Variants in XPR1 observed in about 807,000 individuals in gnomAD.
The protein encoded by XPR1 is solute carrier family 53 member 1.
In XPR1, 28 loss-of-function variants were observed where a neutral mutation model predicts 87.5. The observed-to-expected ratio is 0.32, with a 90% CI of 0.24 to 0.44. The LOEUF is 0.44. XPR1 is among the 20% of genes least tolerant of loss of function. The pLI, the probability that XPR1 is intolerant of heterozygous loss-of-function variation, is 1.00. For synonymous variants in XPR1, 300 were observed against 306.1 expected (o/e 0.98, Z 0.21); for missense variants, 559 against 862.3 (o/e 0.65, Z 4.41).
At chr1:180,710,455 C>A (rs187391176) in intron 2 of XPR1, among the ~76,000 whole-genome samples, 2 of 152,104 alleles carry the variant, frequency 1.3e-5, no homozygotes, top group Non-Finnish European at 2.9e-5. Context: ...CATATTGCGC[C>A]GCCCTTAATC....
At chr1:180,682,302 A>G (rs1571718059) in intron 1 of XPR1, 58 bp from the exon 2 acceptor site, 1 of 1,367,532 alleles carries the variant, frequency 7.3e-7, no homozygotes, top group East Asian at 2.5e-5. Flanking sequence ...AGCTTCAGAT[A>G]CATTCAGTAT....
chr1:180,864,204 A>T (rs1197670973), intron 12 of XPR1, among the ~76,000 whole-genome samples: 1 of 152,182 alleles, frequency 6.6e-6, no homozygotes. Context: ...GTTTTTGAAC[A>T]TGGAATGCCC....
intron 2 of XPR1, among the ~76,000 whole-genome samples, chr1:180,755,663 AT>A (rs1363803106): frequency 6.6e-6 from 1 of 152,224 alleles, no homozygotes; most frequent in African/African-American, 2.4e-5. Context: ...TGCCATGTTT[AT>A]TATGGTATTT....
chr1:180,798,480 T>C (rs965454610), intron 3 of XPR1, among the ~76,000 whole-genome samples: 5 of 152,176 alleles, frequency 3.3e-5, no homozygotes, highest in Non-Finnish European at 5.9e-5. Context: ...GGTATCTTTA[T>C]TTTCCCAAGA....
chr1:180,850,512 A>G (rs1178624211), intron 11 of XPR1, among the ~76,000 whole-genome samples: 1 of 152,148 alleles, frequency 6.6e-6, no homozygotes, highest in African/African-American at 2.4e-5. Context: ...CTGCTTAAAG[A>G]TGTACTCCAA....
intron 3 of XPR1, among the ~76,000 whole-genome samples, chr1:180,789,865 C>T (rs1002929465): frequency 6.6e-6 from 1 of 152,152 alleles, no homozygotes; most frequent in South Asian, 2.1e-4. Flanking sequence ...CCAGAGGCTG[C>T]GTAGGACAAC....
chr1:180,761,452 T>A (rs892610644), intron 2 of XPR1, among the ~76,000 whole-genome samples: 1 of 152,082 alleles, frequency 6.6e-6, no homozygotes, highest in African/African-American at 2.4e-5. Flanking sequence ...CATCAAAAAG[T>A]GGGCGAAGGA....
intron 2 of XPR1, among the ~76,000 whole-genome samples, chr1:180,731,591 A>G (rs996841960): frequency 3.3e-5 from 5 of 152,188 alleles, no homozygotes; most frequent in African/African-American, 9.6e-5. Flanking sequence ...GTTAATTTCT[A>G]TGTCCATCCA....
intron 11 of XPR1, among the ~76,000 whole-genome samples, chr1:180,837,403 G>A (rs1651332488): frequency 6.6e-6 from 1 of 152,108 alleles, no homozygotes; most frequent in African/African-American, 2.4e-5. Context: ...TCTGTAGGTT[G>A]TAAAGAGATG....
chr1:180,797,808 T>C (rs1649641807), intron 3 of XPR1, among the ~76,000 whole-genome samples: 1 of 152,174 alleles, frequency 6.6e-6, no homozygotes, highest in African/African-American at 2.4e-5. Context: ...ATACTTAAGT[T>C]GTTTGAACCT....
Position 180,856,073 on chromosome 1 carries a change from A to G in XPR1, c.1502-7635A>G, listed in dbSNP as rs72707412. On this transcript the variant is annotated intron_variant, in intron 11 of 14. Transcript: ENST00000367590. ...AAGATTTCCCTTACCTCATTAAGCC[A>G]TCTGGTCTAGTCTTTTTTCCTTTTC... Among the ~76,000 whole-genome samples, 700 of 152,262 alleles carry G rather than the reference A, an allele frequency of 4.6e-3. 2 individuals carry two copies. Among genetic ancestry groups the G allele is most frequent in the Non-Finnish European group, 8.0e-3 (545 of 68,008 alleles).
chr1:180,751,221 C>G (rs990050617), intron 2 of XPR1, among the ~76,000 whole-genome samples: 5 of 151,880 alleles, frequency 3.3e-5, no homozygotes, highest in Admixed American at 3.3e-4. Flanking sequence ...GTTTTCCTTT[C>G]CTATCAATAT....
rs573538142 is a variant in XPR1 at position 180,775,464 on chromosome 1, T to G, written c.122-12289T>G. 3.9e-5 allele frequency among the ~76,000 whole-genome samples: 6 copies of G among 152,286 alleles called. No homozygotes were observed. In the East Asian group the frequency reaches 1.2e-3, roughly 29 times the overall value. Reference sequence around the variant, plus strand: ...TTGAAAAAAAGACTGAGAATTCAGTTAAGTTAATAATAGTATTCATCTTGG... The same window carrying G: ...TTGAAAAAAAGACTGAGAATTCAGTGAAGTTAATAATAGTATTCATCTTGG... On this transcript the variant is annotated intron_variant, in intron 2 of 14. Coordinates refer to ENST00000367590, the MANE Select transcript of XPR1 (RefSeq NM_004736.4).
chr1:180,751,838 T>A (rs1359899771), intron 2 of XPR1, among the ~76,000 whole-genome samples: 1 of 152,112 alleles, frequency 6.6e-6, no homozygotes, highest in Non-Finnish European at 1.5e-5. Flanking sequence ...TCTCACAAGC[T>A]TGTCTATAAT....
intron 2 of XPR1, among the ~76,000 whole-genome samples, chr1:180,780,767 C>CAAAAAAAAAAA (rs756960289): frequency 1.2e-4 from 13 of 106,098 alleles, no homozygotes; most frequent in African/African-American, 4.8e-4. Context: ...GACTCTGTCT[C>CAAAAAAAAAAA]AAAAAAAAAA....
intron 1 of XPR1, among the ~76,000 whole-genome samples, chr1:180,639,759 C>T (rs1172085216): frequency 6.6e-6 from 1 of 152,028 alleles, no homozygotes; most frequent in Non-Finnish European, 1.5e-5. Context: ...TTGAGGATTC[C>T]AGTGTACATC....
chr1:180,815,333 T>TA (rs1235294709), intron 7 of XPR1, among the ~76,000 whole-genome samples: 3 of 152,226 alleles, frequency 2.0e-5, no homozygotes, highest in Non-Finnish European at 4.4e-5. Context: ...CATTTAGTGT[T>TA]ACGCATTATG....
chr1:180,831,362 C>CTTTTTCTTTTTTTTTTTTTTTTTT (rs1553252332), intron 9 of XPR1, among the ~76,000 whole-genome samples: 1 of 115,470 alleles, frequency 8.7e-6, no homozygotes, highest in Non-Finnish European at 1.9e-5. Context: ...TTTTCTTTTT[C>CTTTTTCTTTTTTTTTTTTTTTTTT]TTTTTTTTTT....
At chr1:180,878,623 A>G (rs917647517) in intron 13 of XPR1, among the ~76,000 whole-genome samples, 15 of 152,216 alleles carry the variant, frequency 9.9e-5, no homozygotes, top group Middle Eastern at 3.2e-3. Flanking sequence ...ATCCAAGGTC[A>G]TTACAGCTAG....
Sources: gnomAD v4.1 joint callset for allele counts (sites outside exome capture counted in the v4.1 genomes callset) on GRCh38, gnomAD v4.1.1 for gene constraint, MANE v1.5 for transcripts, NCBI Gene and HGNC (gene_info 2026-07-23, HGNC 2026-07-21) for gene names.